The following CSMD1 variants were observed in gnomAD, a reference collection of about 807,000 sequenced individuals.
CSMD1 encodes the protein CUB and sushi domain-containing protein 1.
Under a neutral mutation model 417.5 loss-of-function variants are expected in CSMD1, and 213 were observed. The ratio of observed to expected loss-of-function variants is 0.51; its 90% confidence interval spans 0.46 to 0.57. The LOEUF is 0.57. CSMD1 is among the 20% of genes least tolerant of loss of function. CSMD1 has a pLI of 0.00. For synonymous variants in CSMD1, 2,862 were observed against 1,736.8 expected (o/e 1.65, Z -16.11); for missense variants, 6,923 against 4,529.7 (o/e 1.53, Z -15.17).
intron 1 of CSMD1, among the ~76,000 whole-genome samples, chr8:4,904,693 T>A (rs74608030): frequency 0.033 from 4,972 of 152,108 alleles, 112 homozygotes; most frequent in South Asian, 0.074. Context: ...TGGGGAAAAC[T>A]AAAATGGAAG....
chr8:4,321,600 C>A (rs931051006), intron 3 of CSMD1, among the ~76,000 whole-genome samples: 1 of 151,968 alleles, frequency 6.6e-6, no homozygotes, highest in African/African-American at 2.4e-5. Context: ...ATAACAGGCA[C>A]CAAATACCTT....
intron 1 of CSMD1, among the ~76,000 whole-genome samples, chr8:4,684,516 T>C (rs1806244782): frequency 6.6e-6 from 1 of 152,164 alleles, no homozygotes; most frequent in African/African-American, 2.4e-5. Flanking sequence ...TTCAAATAAA[T>C]CTCTGTTTTC....
At chr8:4,422,528 T>C (rs1585050008) in intron 2 of CSMD1, among the ~76,000 whole-genome samples, 1 of 152,058 alleles carries the variant, frequency 6.6e-6, no homozygotes, top group Non-Finnish European at 1.5e-5. Flanking sequence ...CATGTGAGCA[T>C]GGAACAGGAA....
intron 2 of CSMD1, among the ~76,000 whole-genome samples, chr8:4,511,879 T>G (rs753531656): frequency 6.6e-6 from 1 of 152,128 alleles, no homozygotes; most frequent in Non-Finnish European, 1.5e-5. Flanking sequence ...CTCCTCCTGC[T>G]TCCAGCTTGG....
intron 7 of CSMD1, among the ~76,000 whole-genome samples, chr8:3,639,754 T>C (rs1379960865): frequency 2.0e-5 from 3 of 152,234 alleles, no homozygotes; most frequent in East Asian, 1.9e-4. Context: ...TTCACTAATA[T>C]ATACATCTTG....
Position 3,706,378 on chromosome 8 carries a change from TTC to T in CSMD1, c.1009+2034_1009+2035del, listed in dbSNP as rs1419752608. ...CTTTCATCAGTGAAACAATTTCATT[TTC>T]TCTGTCATACCTTTCTTTGGAATGA... On this transcript the variant is annotated intron_variant, in intron 7 of 69. Coordinates refer to ENST00000635120, the MANE Select transcript of CSMD1 (RefSeq NM_033225.6). Among the ~76,000 whole-genome samples the T allele has an allele frequency of 2.0e-5, 3 of 152,266 alleles. No individual in the cohort carries two copies. The East Asian group carries it at 5.8e-4, about 29-fold the overall frequency.
chr8:3,474,582 T>A (rs76548389), intron 11 of CSMD1, among the ~76,000 whole-genome samples: 13 of 152,214 alleles, frequency 8.5e-5, no homozygotes, highest in African/African-American at 3.1e-4. Flanking sequence ...TTGGTCTTTA[T>A]GCAGAAGTTT....
At chr8:3,538,346 T>G (rs78220737) in intron 10 of CSMD1, among the ~76,000 whole-genome samples, 1 of 152,076 alleles carries the variant, frequency 6.6e-6, no homozygotes. Context: ...GCAACTGACA[T>G]GCTTCACCTG....
rs372714839 is a variant in CSMD1, at chr8:4,637,362, T to C, written c.282A>G (p.Gln94=). The C allele has an allele frequency of 3.7e-6, 6 of 1,613,760 alleles. No individual in the cohort carries two copies. The highest frequency in any genetic ancestry group is 5.1e-6 in the Non-Finnish European group (6 of 1,179,644). ...CTTACCTCACTTTTAAATTCCCTTG[T>C]TGAGGCTGTCCATCGTAAACTGATA... ...DILSVYDGQP[Q]QGNLKVRLSG... is the part of the protein sequence containing the mutation. The change falls in exon 2 of 70, where the codon CAA becomes CAG. Residue 94 remains glutamine, a synonymous_variant. Transcript: ENST00000635120.
chr8:3,882,004 T>C (rs1427347979), intron 5 of CSMD1, among the ~76,000 whole-genome samples: 1 of 152,160 alleles, frequency 6.6e-6, no homozygotes, highest in Non-Finnish European at 1.5e-5. Context: ...GAGAATATTC[T>C]ACGATGTCTG....
At position 3,990,783 on chromosome 8, in the gene CSMD1, G is replaced by C. The variant is rs1194730390; in HGVS notation, c.818+7120C>G. On this transcript the variant is annotated intron_variant, in intron 5 of 69. Transcript: ENST00000635120. ...GCTGGTGAGTCCATCCCTTTCATGA[G>C]GAAGGAGAGGGGAGGGCAGGAAATA... Among the ~76,000 whole-genome samples, 6 of 152,082 alleles carry C rather than the reference G, an allele frequency of 3.9e-5. No individual in the cohort carries two copies. In the South Asian group the frequency reaches 6.2e-4, roughly 16 times the overall value.
At chr8:4,132,501 A>G (rs1003127819) in intron 3 of CSMD1, among the ~76,000 whole-genome samples, 3 of 152,206 alleles carry the variant, frequency 2.0e-5, no homozygotes, top group Admixed American at 6.5e-5. Context: ...AATACATTTT[A>G]TTAGGCATTC....
At chr8:4,974,179 G>C (rs982139223) in intron 1 of CSMD1, among the ~76,000 whole-genome samples, 2 of 122,450 alleles carry the variant, frequency 1.6e-5, no homozygotes, top group Non-Finnish European at 3.6e-5. Flanking sequence ...ACCACACCCA[G>C]CTAATTTTTT....
intron 3 of CSMD1, among the ~76,000 whole-genome samples, chr8:4,284,383 C>T (rs1488170376): frequency 1.4e-5 from 2 of 141,330 alleles, no homozygotes; most frequent in African/African-American, 2.6e-5. Flanking sequence ...CACCCACCCT[C>T]CCCAAAAAGA....
chr8:4,343,383 G>C (rs1216894496), intron 3 of CSMD1, among the ~76,000 whole-genome samples: 3 of 151,954 alleles, frequency 2.0e-5, no homozygotes, highest in African/African-American at 4.8e-5. Flanking sequence ...ATATTCTCTT[G>C]CTAAGAGAGC....
At chr8:3,227,444 G>A (rs906718469) in intron 27 of CSMD1, among the ~76,000 whole-genome samples, 6 of 152,020 alleles carry the variant, frequency 3.9e-5, no homozygotes, top group East Asian at 1.9e-4. Context: ...AGAAATATGC[G>A]AGTTTGTAGA....
chr8:4,000,339 G>A (rs1309967052), intron 4 of CSMD1, among the ~76,000 whole-genome samples: 3 of 152,270 alleles, frequency 2.0e-5, no homozygotes, highest in Admixed American at 1.3e-4. Context: ...ACATTCTTGG[G>A]AAGAGCTACT....
intron 3 of CSMD1, among the ~76,000 whole-genome samples, chr8:4,252,162 A>G (rs369834999): frequency 2.6e-5 from 4 of 152,158 alleles, no homozygotes; most frequent in African/African-American, 7.2e-5. Flanking sequence ...TTCAGGATAT[A>G]TAGAAAGCTG....
chr8:3,377,318 T>C (rs975157043), intron 18 of CSMD1, among the ~76,000 whole-genome samples: 2 of 152,208 alleles, frequency 1.3e-5, no homozygotes, highest in Non-Finnish European at 2.9e-5. Context: ...GGCTTATTAA[T>C]AGATTTTTAC....
Sources: gnomAD v4.1 joint callset for allele counts (sites outside exome capture counted in the v4.1 genomes callset) on GRCh38, gnomAD v4.1.1 for gene constraint, MANE v1.5 for transcripts, NCBI Gene and HGNC (gene_info 2026-07-23, HGNC 2026-07-21) for gene names.